Variants in SH3RF3 observed in about 807,000 individuals in gnomAD.
SH3RF3 encodes E3 ubiquitin-protein ligase SH3RF3.
Under a neutral mutation model 66.3 loss-of-function variants are expected in SH3RF3, and 29 were observed. The observed-to-expected ratio is 0.44, with a 90% CI of 0.33 to 0.60. The LOEUF (loss-of-function observed/expected upper bound fraction) is 0.60, where lower values mean the gene tolerates loss of function less well. Among genes scored for constraint, SH3RF3 ranks in the 20% least tolerant of loss-of-function variants. SH3RF3 has a pLI of 0.04. For synonymous variants in SH3RF3, 583 were observed against 532.0 expected, an observed-to-expected ratio of 1.10 and a Z score of -1.32; for missense variants, 1,194 against 1,190.9, an observed-to-expected ratio of 1.00 and a Z score of -0.04.
At chr2:109,264,462 C>T (rs1288186329) in intron 1 of SH3RF3, among the ~76,000 whole-genome samples, 1 of 152,288 alleles carries the variant, frequency 6.6e-6, no homozygotes, top group Non-Finnish European at 1.5e-5. Context: ...CCCCATCTAC[C>T]TCCCTATATG....
chr2:109,324,330 G>T (rs549647483), intron 1 of SH3RF3, among the ~76,000 whole-genome samples: 2 of 152,072 alleles, frequency 1.3e-5, no homozygotes, highest in African/African-American at 2.4e-5. Flanking sequence ...GTACTGGGTC[G>T]CATGGTAACT....
chr2:109,165,493 T>G (rs7558273), intron 1 of SH3RF3, among the ~76,000 whole-genome samples: 124,070 of 152,210 alleles, frequency 0.82, 50,740 homozygotes, highest in East Asian at 0.89. Context: ...ACAGGAGCTG[T>G]CAAACTATGA....
At chr2:109,134,017 GCTAGTTAC>G (rs897668994) in intron 1 of SH3RF3, among the ~76,000 whole-genome samples, 1 of 152,168 alleles carries the variant, frequency 6.6e-6, no homozygotes, top group African/African-American at 2.4e-5. Context: ...GTATCTGGAA[GCTAGTTAC>G]CATGTTCTTT....
intron 7 of SH3RF3, among the ~76,000 whole-genome samples, chr2:109,441,940 CAAAAATATCTTTCA>C (rs1677575567): frequency 7.6e-6 from 1 of 131,114 alleles, no homozygotes; most frequent in South Asian, 2.5e-4. Flanking sequence ...CTACTCCCAG[CAAAAATATCTTTCA>C]AAAAAAAAGC....
At chr2:109,472,890 C>A (rs1188477623) in intron 8 of SH3RF3, among the ~76,000 whole-genome samples, 1 of 152,218 alleles carries the variant, frequency 6.6e-6, no homozygotes, top group African/African-American at 2.4e-5. Flanking sequence ...CAGCCCTGCT[C>A]CAGCCTCTTA....
intron 8 of SH3RF3, among the ~76,000 whole-genome samples, chr2:109,465,780 C>G (rs1678325311): frequency 6.6e-6 from 1 of 152,088 alleles, no homozygotes; most frequent in South Asian, 2.1e-4. Context: ...GGAGCAGGAG[C>G]AAGAGGGGAG....
intron 1 of SH3RF3, among the ~76,000 whole-genome samples, chr2:109,145,932 T>C (rs938610957): frequency 9.2e-5 from 14 of 152,176 alleles, no homozygotes; most frequent in Non-Finnish European, 1.3e-4. Context: ...CCTGGGTTCA[T>C]GTCTCCCTCC....
chr2:109,438,344 G>T (rs147359603), intron 7 of SH3RF3, among the ~76,000 whole-genome samples: 7 of 152,262 alleles, frequency 4.6e-5, no homozygotes, highest in African/African-American at 1.7e-4. Context: ...CAGGTATAGG[G>T]TGAACTTTGG....
intron 1 of SH3RF3, among the ~76,000 whole-genome samples, chr2:109,134,500 G>T (rs1676773986): frequency 6.6e-6 from 1 of 152,198 alleles, no homozygotes; most frequent in African/African-American, 2.4e-5. Flanking sequence ...TATTTATTGA[G>T]CACCCAGTGG....
At chr2:109,178,296 C>T (rs958321101) in intron 1 of SH3RF3, among the ~76,000 whole-genome samples, 10 of 152,104 alleles carry the variant, frequency 6.6e-5, no homozygotes, top group African/African-American at 2.4e-4. Flanking sequence ...ATTTTTAGAG[C>T]TCTTTTATGA....
chr2:109,466,619 CTT>C (rs144220515), intron 8 of SH3RF3, among the ~76,000 whole-genome samples: 6,855 of 152,218 alleles, frequency 0.045, 459 homozygotes, highest in African/African-American at 0.14. Flanking sequence ...ATGATTGTGT[CTT>C]TGGTGTTTTA....
chr2:109,375,454 G>A (rs548960948), intron 3 of SH3RF3, among the ~76,000 whole-genome samples: 11 of 152,292 alleles, frequency 7.2e-5, no homozygotes, highest in African/African-American at 2.2e-4. Context: ...AGAGAGGAGT[G>A]GGCCTGGCCT....
At chr2:109,343,800 A>G (rs1329740148) in intron 1 of SH3RF3, among the ~76,000 whole-genome samples, 1 of 150,644 alleles carries the variant, frequency 6.6e-6, no homozygotes, top group Non-Finnish European at 1.5e-5. Context: ...GCTGGAGTGC[A>G]GTGGTACGAT....
rs1449106992 is a variant in SH3RF3, at chr2:109,357,811, TAC to T, written c.849+9864_849+9865del. Among the ~76,000 whole-genome samples, 6 of 152,324 alleles carry T rather than the reference TAC, an allele frequency of 3.9e-5. No homozygotes were observed. The South Asian group carries it at 1.0e-3, about 26-fold the overall frequency. ...GTTCACAGCAAAATTGAGCAGAAGA[TAC>T]AGAGATTTCCCATAAACCTCTGCCC... On this transcript the variant is annotated intron_variant, in intron 2 of 9. Transcript: ENST00000309415.
At chr2:109,418,530 C>T (rs916733823) in intron 4 of SH3RF3, among the ~76,000 whole-genome samples, 13 of 152,158 alleles carry the variant, frequency 8.5e-5, no homozygotes, top group Admixed American at 2.6e-4. Flanking sequence ...GTCACTGCTC[C>T]GTCCTCACAT....
intron 1 of SH3RF3, among the ~76,000 whole-genome samples, chr2:109,133,293 G>A (rs2104803293): frequency 6.6e-6 from 1 of 152,346 alleles, no homozygotes; most frequent in East Asian, 1.9e-4. Flanking sequence ...GTATCTTGAG[G>A]TACAGTGGTA....
chr2:109,501,448 A>T (rs1229620323), intron 9 of SH3RF3, 55 bp from the exon 10 acceptor site: 1 of 731,016 alleles, frequency 1.4e-6, no homozygotes, highest in Admixed American at 1.9e-5. Context: ...AGAAAGCACG[A>T]CCCAGCAGAT....
chr2:109,202,289 C>T (rs1207665036), intron 1 of SH3RF3, among the ~76,000 whole-genome samples: 1 of 152,190 alleles, frequency 6.6e-6, no homozygotes, highest in Non-Finnish European at 1.5e-5. Context: ...TCGGCAGCGT[C>T]TGGACCCCCT....
intron 1 of SH3RF3, among the ~76,000 whole-genome samples, chr2:109,314,933 G>C (rs143935039): frequency 1.3e-5 from 2 of 152,146 alleles, no homozygotes; most frequent in Non-Finnish European, 2.9e-5. Context: ...TCGTCTCCCC[G>C]TATGAATCTC....
Sources: gnomAD v4.1 joint callset for allele counts (sites outside exome capture counted in the v4.1 genomes callset) on GRCh38, gnomAD v4.1.1 for gene constraint, MANE v1.5 for transcripts, NCBI Gene and HGNC (gene_info 2026-07-23, HGNC 2026-07-21) for gene names.